MAP3K13: variants seen among roughly 807,000 people sequenced by gnomAD.
The protein encoded by MAP3K13 is mitogen-activated protein kinase kinase kinase 13.
MAP3K13 carries 52 observed loss-of-function variants against 104.0 expected under a neutral mutation model. The ratio of observed to expected loss-of-function variants is 0.50; its 90% CI spans 0.40 to 0.63. MAP3K13 has a LOEUF of 0.63. Ranked by LOEUF, MAP3K13 falls within the 20% of genes least tolerant of loss-of-function variation. The probability of loss-of-function intolerance (pLI) is 0.00; values close to 1 mark genes in which losing one functional copy is unlikely to be tolerated. For missense variants in MAP3K13, 914 were observed against 1,218.5 expected, an observed-to-expected ratio of 0.75 and a Z score of 3.72; for synonymous variants, 394 against 442.2, an observed-to-expected ratio of 0.89 and a Z score of 1.37.
intron 6 of MAP3K13, 24 bp from the exon 7 acceptor site, chr3:185,451,263 A>G: frequency 1.3e-6 from 2 of 1,535,750 alleles, no homozygotes; most frequent in Non-Finnish European, 8.9e-7. Flanking sequence ...TCTGAAATGC[A>G]CAAACTGTCT....
At chr3:185,410,677 G>A (rs952491996) in intron 1 of MAP3K13, among the ~76,000 whole-genome samples, 5 of 152,130 alleles carry the variant, frequency 3.3e-5, no homozygotes, top group Non-Finnish European at 7.3e-5. Flanking sequence ...GCTCATGCCT[G>A]TAATCCCAAC....
intron 2 of MAP3K13, among the ~76,000 whole-genome samples, chr3:185,290,641 T>A (rs1321748286): frequency 6.6e-6 from 1 of 152,218 alleles, no homozygotes; most frequent in African/African-American, 2.4e-5. Flanking sequence ...ATTTACCAGC[T>A]CGGTAATTAC....
In MAP3K13 at chr3:185,418,789, G is replaced by A. The variant is rs1713955617; in HGVS notation, c.-85-9708G>A. ...GCGAGCACACGCCATGGCGGAGAGA[G>A]GAGACAGCCACGCTCCTCTCAGCCC... is the stretch of plus-strand genomic sequence containing the variant. On this transcript the variant is annotated intron_variant, in intron 1 of 13. Transcript: ENST00000265026. This position sits in a 1 kb window ranked among gnomAD's most constrained non-coding sequence, Gnocchi z 4.5. The A allele has an allele frequency of 6.3e-7, 1 of 1,594,116 alleles. No individual in the cohort carries two copies. The highest frequency in any genetic ancestry group is 8.6e-7 in the Non-Finnish European group (1 of 1,165,770).
At chr3:185,369,967 C>T (rs1349684723) in intron 1 of MAP3K13, among the ~76,000 whole-genome samples, 1 of 152,172 alleles carries the variant, frequency 6.6e-6, no homozygotes, top group African/African-American at 2.4e-5. Flanking sequence ...CCAGGTCATC[C>T]TTAGCAAGGC....
At chr3:185,322,632 CT>C (rs1269367010) in intron 2 of MAP3K13, among the ~76,000 whole-genome samples, 1 of 152,142 alleles carries the variant, frequency 6.6e-6, no homozygotes, top group Non-Finnish European at 1.5e-5. Context: ...ATCCAGATGC[CT>C]TTTGGACAAT....
At chr3:185,414,570 G>A (rs1713636804) in intron 1 of MAP3K13, among the ~76,000 whole-genome samples, 1 of 152,196 alleles carries the variant, frequency 6.6e-6, no homozygotes, top group Non-Finnish European at 1.5e-5. Context: ...GATAGCAGAA[G>A]GACTTTGGAT....
At chr3:185,292,945 A>G (rs1720794582) in intron 2 of MAP3K13, 1 of 984,248 alleles carries the variant, frequency 1.0e-6, no homozygotes, top group African/African-American at 1.7e-5. Context: ...CTTTACATGA[A>G]AGAACATAGA....
At chr3:185,389,602 T>C (rs1266811546) in intron 1 of MAP3K13, among the ~76,000 whole-genome samples, 1 of 151,948 alleles carries the variant, frequency 6.6e-6, no homozygotes, top group Non-Finnish European at 1.5e-5. Flanking sequence ...ACAATAGTAT[T>C]CCTGTCCACA....
chr3:185,337,777 G>C (rs980796745), intron 2 of MAP3K13, among the ~76,000 whole-genome samples: 1 of 149,684 alleles, frequency 6.7e-6, no homozygotes, highest in Non-Finnish European at 1.5e-5. Flanking sequence ...CCTCTAGGCT[G>C]TCTTTCCATT....
intron 4 of MAP3K13, among the ~76,000 whole-genome samples, chr3:185,446,215 G>C (rs2148894561): frequency 6.6e-6 from 1 of 151,998 alleles, no homozygotes; most frequent in East Asian, 1.9e-4. Context: ...CTGCCTTACA[G>C]CCTCCTCAAT....
At chr3:185,395,660 CA>C in intron 1 of MAP3K13, among the ~76,000 whole-genome samples, 1 of 149,418 alleles carries the variant, frequency 6.7e-6, no homozygotes, top group Non-Finnish European at 1.5e-5. Flanking sequence ...GCCCGGCCTT[CA>C]ATATTATTTC....
At chr3:185,376,352 G>A (rs956909674) in intron 1 of MAP3K13, among the ~76,000 whole-genome samples, 2 of 152,164 alleles carry the variant, frequency 1.3e-5, no homozygotes, top group African/African-American at 4.8e-5. Flanking sequence ...AGAGTGAGTT[G>A]AGCATAGTTT....
chr3:185,376,764 G>C (rs1375990975), intron 1 of MAP3K13, among the ~76,000 whole-genome samples: 1 of 152,046 alleles, frequency 6.6e-6, no homozygotes, highest in African/African-American at 2.4e-5. Flanking sequence ...TTGTAGAAGG[G>C]GTTGGGGTTT....
chr3:185,409,523 T>C (rs897116839), intron 1 of MAP3K13, among the ~76,000 whole-genome samples: 3 of 152,180 alleles, frequency 2.0e-5, no homozygotes, highest in African/African-American at 7.2e-5. Flanking sequence ...GGAACTGTTA[T>C]GCACTGTTGG....
upstream of MAP3K13, among the ~76,000 whole-genome samples, chr3:185,358,414 T>C (rs982833457): frequency 2.0e-5 from 3 of 152,190 alleles, no homozygotes; most frequent in Non-Finnish European, 4.4e-5. Context: ...AGAAGCAATA[T>C]GAATCTTCCT....
At chr3:185,312,567 C>G (rs1051309320) in intron 2 of MAP3K13, among the ~76,000 whole-genome samples, 20 of 152,052 alleles carry the variant, frequency 1.3e-4, no homozygotes, top group African/African-American at 4.8e-4. Context: ...TTGTGCTGCC[C>G]TAGGAAGGGG....
chr3:185,336,095 G>T lies in MAP3K13; in HGVS notation c.-86+50452G>T, dbSNP rs182757267. Among the ~76,000 whole-genome samples the T allele has an allele frequency of 1.8e-3, 268 of 152,224 alleles. 1 individual carries two copies. Among genetic ancestry groups the T allele is most frequent in the Admixed American group, 7.6e-3 (116 of 15,290 alleles). On this transcript the variant is annotated intron_variant, in intron 2 of 14. Transcript: ENST00000424227. ...CATGAACTGAAGTTTTATGGAATAT[G>T]AGTTGTCACATAAGAAGTAGGAGAG... is the stretch of plus-strand genomic sequence containing the variant.
intron 1 of MAP3K13, among the ~76,000 whole-genome samples, chr3:185,425,023 T>A (rs528253661): frequency 6.6e-6 from 1 of 152,338 alleles, no homozygotes; most frequent in African/African-American, 2.4e-5. Flanking sequence ...ATTTCTGTAT[T>A]TTTTGTAATG....
intron 1 of MAP3K13, among the ~76,000 whole-genome samples, chr3:185,403,263 A>G (rs1355977092): frequency 1.3e-5 from 2 of 152,130 alleles, no homozygotes; most frequent in Admixed American, 6.6e-5. Context: ...AATTAACCCC[A>G]CTCTGAACCA....
Sources: allele counts gnomAD v4.1 joint callset (sites outside exome capture counted in the v4.1 genomes callset), GRCh38; gene constraint gnomAD v4.1.1; non-coding constraint Gnocchi (gnomAD v3.1); transcripts MANE v1.5; gene names NCBI Gene and HGNC (gene_info 2026-07-23, HGNC 2026-07-21).